DENND4A: variants seen among roughly 807,000 people sequenced by gnomAD.
DENND4A encodes C-myc promoter-binding protein.
Under a neutral mutation model 199.3 loss-of-function variants are expected in DENND4A, and 70 were observed. The observed-to-expected ratio is 0.35, with a 90% CI of 0.29 to 0.43. The LOEUF (loss-of-function observed/expected upper bound fraction) is 0.43. Among genes scored for constraint, DENND4A ranks in the 20% least tolerant of loss-of-function variants. The pLI is 1.00. For missense variants in DENND4A, 1,723 were observed against 2,255.8 expected, an observed-to-expected ratio of 0.76 and a Z score of 4.78; for synonymous variants, 686 against 766.9, an observed-to-expected ratio of 0.89 and a Z score of 1.74.
At chr15:65,733,274 T>C (rs2076014508) in intron 7 of DENND4A, among the ~76,000 whole-genome samples, 1 of 152,140 alleles carries the variant, frequency 6.6e-6, no homozygotes, top group Non-Finnish European at 1.5e-5. Flanking sequence ...ACGTTAAAAA[T>C]TATATTACTG....
chr15:65,778,072 C>T (rs1009598107), intron 1 of DENND4A, among the ~76,000 whole-genome samples: 20 of 151,988 alleles, frequency 1.3e-4, no homozygotes, highest in African/African-American at 4.6e-4. Flanking sequence ...TCAGATATTC[C>T]TCAGCACAAT....
intron 26 of DENND4A, 27 bp downstream of exon 26, chr15:65,669,973 GAACATGATCCTTA>G: frequency 6.2e-7 from 1 of 1,601,682 alleles, no homozygotes; most frequent in Non-Finnish European, 8.5e-7. Context: ...ATATTATAGG[GAACATGATCCTTA>G]AACATGAAGG....
chr15:65,699,987 T>C (rs1037875155), intron 20 of DENND4A, among the ~76,000 whole-genome samples: 1 of 151,916 alleles, frequency 6.6e-6, no homozygotes, highest in African/African-American at 2.4e-5. Context: ...CTTAAAATGC[T>C]ATATTTTTAT....
Position 65,691,137 on chromosome 15 carries a change from T to G in DENND4A, c.3457A>C (p.Asn1153His), listed in dbSNP as rs746207548. The change falls in exon 23 of 33, where the codon AAC (asparagine) becomes CAC (histidine). Residue 1153 changes from asparagine to histidine, a missense_variant. Asn to His is a moderately conservative substitution (Grantham distance 68). This residue lies in a region of DENND4A where 650 missense variants were observed against 738.1 expected (regional missense o/e 0.88). Coordinates refer to ENST00000443035, the MANE Select transcript of DENND4A (RefSeq NM_001320835.1). ...SDDDTPFDGSNYLADKVDSPV... is the reference protein window; with the variant it reads ...SDDDTPFDGSHYLADKVDSPV... ...GAATCCACTTTATCTGCCAAATAGT[T>G]AGAACCATCAAAAGGTGTATCATCA... The G allele has an allele frequency of 1.6e-4, 263 of 1,613,314 alleles. 1 individual carries two copies. In the East Asian group the frequency reaches 5.8e-3, roughly 36 times the overall value.
intron 12 of DENND4A, among the ~76,000 whole-genome samples, chr15:65,722,261 C>T (rs1330590613): frequency 6.6e-6 from 1 of 152,114 alleles, no homozygotes; most frequent in Non-Finnish European, 1.5e-5. Context: ...AGAGGGAGAA[C>T]TGCTTGAGCC....
intron 1 of DENND4A, among the ~76,000 whole-genome samples, chr15:65,765,271 T>C (rs2140812442): frequency 6.6e-6 from 1 of 152,296 alleles, no homozygotes; most frequent in East Asian, 1.9e-4. Flanking sequence ...AAACCCGGAA[T>C]AGAAAATTTA....
At chr15:65,754,418 C>T (rs1290548117) in intron 3 of DENND4A, among the ~76,000 whole-genome samples, 3 of 152,152 alleles carry the variant, frequency 2.0e-5, no homozygotes, top group Non-Finnish European at 2.9e-5. Flanking sequence ...GTTACTTAAC[C>T]TCTCTGAGCC....
chr15:65,718,760 C>CTTTTTTTTTTTTTT lies in DENND4A; in HGVS notation c.1589-778_1589-765dup, dbSNP rs1038227560. 3.1e-3 allele frequency among the ~76,000 whole-genome samples: 211 copies of CTTTTTTTTTTTTTT among 67,782 alleles called. 6 individuals are homozygous for CTTTTTTTTTTTTTT. The highest frequency in any genetic ancestry group is 4.5e-3 in the Non-Finnish European group (154 of 33,896). The allele number at this position is 67,782 out of a possible 152,430, so 44.5% of individuals were successfully genotyped here. On this transcript the variant is annotated intron_variant, in intron 12 of 32. Coordinates refer to ENST00000443035, the MANE Select transcript of DENND4A (RefSeq NM_001320835.1). ...TCAAAAGTTTTGCATGTTTTTTTTC[C>CTTTTTTTTTTTTTT]TTTTTTTTTTTTTTTTTTTTTTTTT... is the stretch of plus-strand genomic sequence containing the variant.
Position 65,690,644 on chromosome 15 carries a change from T to G in DENND4A, c.3950A>C (p.Glu1317Ala). Reference sequence around the variant, plus strand: ...AGACCAAAGTCTATCCCTTGGTTTCTCCTCACTTTTTGTGTAACTTTTAGA... The same window carrying G: ...AGACCAAAGTCTATCCCTTGGTTTCGCCTCACTTTTTGTGTAACTTTTAGA... The part of the protein sequence containing the change: ...TKSKSYTKSE[E>A]KPRDRLWSSP... Residue 1317 changes from glutamate to alanine, a missense_variant, in exon 23 of 33, where the codon GAG becomes GCG. Physicochemically the swap from Glu to Ala is moderately radical, Grantham distance 107. Coordinates refer to ENST00000443035, the MANE Select transcript of DENND4A (RefSeq NM_001320835.1). The G allele has an allele frequency of 6.2e-7, 1 of 1,613,804 alleles. No individual in the cohort carries two copies. Among genetic ancestry groups the G allele is most frequent in the Non-Finnish European group, 8.5e-7 (1 of 1,179,808 alleles).
chr15:65,704,734 G>A (rs2074994159), intron 15 of DENND4A, among the ~76,000 whole-genome samples: 1 of 152,188 alleles, frequency 6.6e-6, no homozygotes, highest in Non-Finnish European at 1.5e-5. Flanking sequence ...GGGATTACAG[G>A]CACCTGCAAC....
intron 22 of DENND4A, among the ~76,000 whole-genome samples, chr15:65,693,032 G>A (rs1297549974): frequency 6.6e-6 from 1 of 152,166 alleles, no homozygotes; most frequent in Non-Finnish European, 1.5e-5. Context: ...GAGATTCTAT[G>A]TGCCCTGCAA....
intron 8 of DENND4A, 98 bp downstream of exon 8, chr15:65,732,654 G>A (rs962934683): frequency 4.1e-6 from 3 of 733,752 alleles, no homozygotes; most frequent in African/African-American, 1.8e-5. Context: ...AATCTCATTA[G>A]GTTTTTTTCC....
intron 22 of DENND4A, among the ~76,000 whole-genome samples, chr15:65,693,668 T>C (rs766267986): frequency 6.6e-6 from 1 of 151,722 alleles, no homozygotes; most frequent in East Asian, 1.9e-4. Flanking sequence ...ATTTGAAATT[T>C]AAGCTCAAAA....
At chr15:65,771,944 A>T in intron 1 of DENND4A, 1 of 1,594,446 alleles carries the variant, frequency 6.3e-7, no homozygotes. Context: ...GCTTTTTTCA[A>T]ATCTTCATCA....
At chr15:65,682,699 C>T (rs1327149927) in intron 23 of DENND4A, among the ~76,000 whole-genome samples, 1 of 152,122 alleles carries the variant, frequency 6.6e-6, no homozygotes, top group Non-Finnish European at 1.5e-5. Flanking sequence ...TTTGACATAC[C>T]TTCCTCATTA....
chr15:65,769,970 A>G (rs1171552648), intron 1 of DENND4A, among the ~76,000 whole-genome samples: 1 of 152,054 alleles, frequency 6.6e-6, no homozygotes, highest in Non-Finnish European at 1.5e-5. Context: ...AATTCATAAT[A>G]TGGAATTACT....
At chr15:65,673,141 G>A (rs546029983) in intron 24 of DENND4A, among the ~76,000 whole-genome samples, 4 of 151,366 alleles carry the variant, frequency 2.6e-5, no homozygotes, top group Admixed American at 6.6e-5. Context: ...GATTACAGGC[G>A]TGAGCCACCG....
chr15:65,738,884 AC>A lies in DENND4A; in HGVS notation c.632-10del. ...ATATCTACAAATTAGGCCTATAAAAACAACAATAAATATTAGGTCATCATCT... is the reference window on the plus strand; with the variant it reads ...ATATCTACAAATTAGGCCTATAAAAAAACAATAAATATTAGGTCATCATCT... On this transcript the variant is annotated splice_polypyrimidine_tract_variant and intron_variant, in intron 5 of 32. Transcript: ENST00000443035. 1 of 1,550,104 alleles carries A rather than the reference AC, an allele frequency of 6.5e-7. No individual in the cohort carries two copies.
intron 4 of DENND4A, among the ~76,000 whole-genome samples, chr15:65,747,104 T>TAA (rs11396585): frequency 8.4e-4 from 120 of 142,242 alleles, no homozygotes; most frequent in Non-Finnish European, 1.3e-3. Flanking sequence ...AGACTCTGTT[T>TAA]AAAAAAAAAA....
Sources: allele counts gnomAD v4.1 joint callset (sites outside exome capture counted in the v4.1 genomes callset), GRCh38; gene constraint gnomAD v4.1.1; regional missense constraint gnomAD v4.1.1; transcripts MANE v1.5; gene names NCBI Gene and HGNC (gene_info 2026-07-23, HGNC 2026-07-21).